Variants in SLC25A23 observed in about 807,000 individuals in gnomAD.
The protein encoded by SLC25A23 is mitochondrial adenyl nucleotide antiporter SLC25A23.
A neutral mutation model predicts 53.9 loss-of-function variants in SLC25A23; 32 were observed. That is an observed-to-expected ratio of 0.59 (90% CI 0.45 to 0.80). The LOEUF (loss-of-function observed/expected upper bound fraction) is 0.80. Among genes scored for constraint, SLC25A23 ranks in the 30% least tolerant of loss-of-function variants. The pLI is 0.00. For missense variants in SLC25A23, 575 were observed against 651.4 expected, an observed-to-expected ratio of 0.88 and a Z score of 1.28; for synonymous variants, 275 against 264.5, an observed-to-expected ratio of 1.04 and a Z score of -0.38.
At chr19:6,448,281 C>T (rs2092535680) in intron 8 of SLC25A23, among the ~76,000 whole-genome samples, 1 of 152,162 alleles carries the variant, frequency 6.6e-6, no homozygotes. Context: ...ATTAGTAATG[C>T]CTAGCCCAGG....
chr19:6,454,658 C>T lies in SLC25A23; in HGVS notation c.543G>A (p.Leu181=). Residue 181 remains leucine (L), a synonymous_variant, in exon 5 of 10, where the codon CTG becomes CTA. Transcript: ENST00000301454. The surrounding 1 kb of genome is among the most constrained non-coding windows in gnomAD (Gnocchi z 4.3). ...CCAGCTGTTTCCACCACATGCCCGT[C>T]AGCTTCTCTTGCTTTGAGAACTCGT... ...VPDEFSKQEK[L]TGMWWKQLVA... The T allele has an allele frequency of 1.2e-6, 2 of 1,614,132 alleles. No homozygotes were observed. Among genetic ancestry groups the T allele is most frequent in the Non-Finnish European group, 1.7e-6 (2 of 1,180,032 alleles).
chr19:6,439,587 G>A (rs1172197144), downstream of SLC25A23, among the ~76,000 whole-genome samples: 2 of 151,272 alleles, frequency 1.3e-5, no homozygotes, highest in African/African-American at 4.9e-5. Context: ...CCAGCATTTT[G>A]GGAGGCTGAG....
Position 6,458,400 on chromosome 19 carries a change from C to T in SLC25A23, c.157-76G>A, listed in dbSNP as rs920918792. 2.0e-6 allele frequency: 3 copies of T among 1,499,876 alleles called. No homozygotes were observed. The African/African-American group carries it at 4.2e-5, about 21-fold the overall frequency. The allele number at this position is 1,499,876 out of a possible 1,614,324, so 92.9% of individuals were successfully genotyped here. A position where few individuals can be genotyped will look rare whatever the true frequency, so the allele number is the denominator to read the frequency against. The stretch of plus-strand genomic sequence containing the variant: ...TGGAGGGGACGCATGTCACCTTATG[C>T]CTTAGGAACCCAGAGCCCCCAGCGC... On this transcript the variant is annotated intron_variant, in intron 1 of 9. Transcript: ENST00000301454.
rs140804879 is a variant in SLC25A23, at chr19:6,448,449, G to A, written c.1071+3863C>T. ...GAAGTTCTAAAGACGGCCGGGTGTGGTGGCTCATGCCTGTAATCCCAGCAT... is the reference window on the plus strand; with the variant it reads ...GAAGTTCTAAAGACGGCCGGGTGTGATGGCTCATGCCTGTAATCCCAGCAT... On this transcript the variant is annotated intron_variant, in intron 8 of 9. Transcript: ENST00000301454. 4.1e-3 allele frequency among the ~76,000 whole-genome samples: 622 copies of A among 151,990 alleles called. 6 individuals carry two copies. Among genetic ancestry groups the A allele is most frequent in the African/African-American group, 0.014 (597 of 41,492 alleles).
downstream of SLC25A23, chr19:6,438,685 C>T (rs1202626164): frequency 4.7e-6 from 1 of 214,776 alleles, no homozygotes; most frequent in Admixed American, 5.2e-5. Context: ...CTGGTCTCTA[C>T]TAAAAATACA....
intron 3 of SLC25A23, among the ~76,000 whole-genome samples, chr19:6,456,980 A>G (rs1373538549): frequency 6.6e-6 from 1 of 151,518 alleles, no homozygotes; most frequent in Non-Finnish European, 1.5e-5. Flanking sequence ...AGCCAGCTGT[A>G]TTACCCTCAT....
At chr19:6,456,056 A>C in intron 4 of SLC25A23, 1 of 1,330,890 alleles carries the variant, frequency 7.5e-7, no homozygotes, top group Non-Finnish European at 9.8e-7. Flanking sequence ...TCAGCCGTAG[A>C]ATCTTTTATC....
In SLC25A23 at chr19:6,459,127, T is replaced by C. The variant is rs2145117568; in HGVS notation, c.156+346A>G. On this transcript the variant is annotated intron_variant, in intron 1 of 9. Transcript: ENST00000301454. This position sits in a 1 kb window ranked among gnomAD's most constrained non-coding sequence, Gnocchi z 4.6. ...CCCAGAGGATGGAGGGTGTGTCTCC[T>C]GGAGGTGAGAGCAGGGCACGTCATG... Among the ~76,000 whole-genome samples the C allele has an allele frequency of 6.6e-6, 1 of 152,102 alleles. No homozygotes were observed. Among genetic ancestry groups the C allele is most frequent in the East Asian group, 1.9e-4 (1 of 5,168 alleles).
intron 9 of SLC25A23, among the ~76,000 whole-genome samples, chr19:6,442,934 CTTT>C (rs1024821991): frequency 3.5e-5 from 4 of 113,140 alleles, no homozygotes; most frequent in South Asian, 3.1e-4. Context: ...ATGCCCAGCC[CTTT>C]TTTTTTTTTT....
intron 8 of SLC25A23, among the ~76,000 whole-genome samples, chr19:6,445,675 G>A (rs1457879500): frequency 2.0e-5 from 3 of 152,082 alleles, no homozygotes; most frequent in Non-Finnish European, 4.4e-5. Context: ...GAACTGTAAG[G>A]ATATACATTC....
rs923323050 is a variant in SLC25A23, at chr19:6,444,246, A to G, written c.1127T>C (p.Ile376Thr). Residue 376 changes from isoleucine (I) to threonine (T), a missense_variant, in exon 9 of 10, where the codon ATC (isoleucine) becomes ACC (threonine). By Grantham distance (89) the Ile-to-Thr change is moderately conservative. Coordinates refer to ENST00000301454, the MANE Select transcript of SLC25A23 (RefSeq NM_024103.3). ...QYSHDSADPGILVLLACGTIS... is the reference protein window; with the variant it reads ...QYSHDSADPGTLVLLACGTIS... ...GGTACCGCAGGCCAGGAGCACGAGG[A>G]TGCCTGGGTCTGCCGAGTCGTGGCT... is the stretch of plus-strand genomic sequence containing the variant. The G allele has an allele frequency of 5.9e-6, 9 of 1,537,638 alleles. No homozygotes were observed. Among genetic ancestry groups the G allele is most frequent in the Non-Finnish European group, 7.9e-6 (9 of 1,133,570 alleles).
Position 6,454,180 on chromosome 19 carries a change from G to T in SLC25A23, c.796-92C>A. ...CTCCTGGCTTCCAAAGAACTGGCTT[G>T]CTGCAGGCATTCATGCAGAGGAGCA... On this transcript the variant is annotated intron_variant, in intron 6 of 9. Coordinates refer to ENST00000301454, the MANE Select transcript of SLC25A23 (RefSeq NM_024103.3). The surrounding 1 kb of genome is among the most constrained non-coding windows in gnomAD (Gnocchi z 4.3). The T allele has an allele frequency of 6.6e-7, 1 of 1,514,284 alleles. No individual in the cohort carries two copies. The highest frequency in any genetic ancestry group is 9.0e-7 in the Non-Finnish European group (1 of 1,114,898). The allele number at this position is 1,514,284 out of a possible 1,614,324, so 93.8% of individuals were successfully genotyped here. A position where few individuals can be genotyped will look rare whatever the true frequency, so the allele number is the denominator to read the frequency against.
rs767419223 is a variant in SLC25A23 at position 6,458,248 on chromosome 19, C to A, written c.233G>T (p.Arg78Leu). ...LEEFSRYLQE[R>L]EQRLLLMFHS... ...AAACATGAGCAGCAGACGCTGTTCC[C>A]GCTCCTGCAGATAGCGGGAAAATTC... The change falls in exon 2 of 10, where the codon CGG (arginine) becomes CTG (leucine). Residue 78 changes from arginine to leucine, a missense_variant. By Grantham distance (102) the Arg-to-Leu change is moderately radical. Transcript: ENST00000301454. The A allele has an allele frequency of 1.2e-6, 2 of 1,613,628 alleles. No individual in the cohort carries two copies.
At position 6,441,714 on chromosome 19, in the gene SLC25A23, G is replaced by T. The variant is rs2092423180; in HGVS notation, c.*261C>A. On this transcript the variant is annotated 3_prime_UTR_variant, in exon 10 of 10. Coordinates refer to ENST00000301454, the MANE Select transcript of SLC25A23 (RefSeq NM_024103.3). Reference sequence around the variant, plus strand: ...GAGTTGCTGAAGTAAGGGATCCACAGTTATGGTTACAGGGGGATCTGGGAT... The same window carrying T: ...GAGTTGCTGAAGTAAGGGATCCACATTTATGGTTACAGGGGGATCTGGGAT... 1.2e-5 allele frequency: 6 copies of T among 521,434 alleles called. No individual in the cohort carries two copies. The South Asian group carries it at 1.2e-4, about 11-fold the overall frequency. 32.3% of individuals were successfully genotyped at this position (521,434 alleles called of 1,614,324 possible).
chr19:6,441,706 G>A lies in SLC25A23; in HGVS notation c.*269C>T, dbSNP rs188290935. The stretch of plus-strand genomic sequence containing the variant: ...GCAGACTTGAGTTGCTGAAGTAAGG[G>A]ATCCACAGTTATGGTTACAGGGGGA... On this transcript the variant is annotated 3_prime_UTR_variant, in exon 10 of 10. Transcript: ENST00000301454. 7,633 of 501,216 alleles carry A rather than the reference G, an allele frequency of 0.015. 108 individuals are homozygous for A. Among genetic ancestry groups the A allele is most frequent in the South Asian group, 0.035 (1,625 of 47,040 alleles). The allele number at this position is 501,216 out of a possible 1,614,324, so 31.0% of individuals were successfully genotyped here.
chr19:6,442,974 T>G (rs1281383994), intron 9 of SLC25A23, among the ~76,000 whole-genome samples: 2 of 143,538 alleles, frequency 1.4e-5, no homozygotes, highest in Non-Finnish European at 3.0e-5. Context: ...TTTTCACTCC[T>G]GTTGCCCAGG....
chr19:6,446,923 G>A (rs1244216907), intron 8 of SLC25A23, among the ~76,000 whole-genome samples: 7 of 151,620 alleles, frequency 4.6e-5, no homozygotes, highest in African/African-American at 1.5e-4. Flanking sequence ...AGACACACAC[G>A]GAGAAAGACA....
intron 8 of SLC25A23, among the ~76,000 whole-genome samples, chr19:6,451,397 T>A (rs28645424): frequency 0.17 from 25,564 of 149,724 alleles, 5,317 homozygotes; most frequent in African/African-American, 0.52. Context: ...CTCAAAAAAA[T>A]AAATAAATAA....
Position 6,454,061 on chromosome 19 carries a change from C to T in SLC25A23, c.823G>A (p.Glu275Lys), listed in dbSNP as rs760242110. 1.9e-6 allele frequency: 3 copies of T among 1,613,502 alleles called. No homozygotes were observed. The highest frequency in any genetic ancestry group is 2.7e-5 in the African/African-American group (2 of 75,056). Reference protein sequence around the residue: ...QIKRAILGQQETLHVQERFVA... With the variant: ...QIKRAILGQQKTLHVQERFVA... ...AAGCGCTCCTGCACATGCAGTGTCTCCTGCTGCCCCAGGATGGCCCTCTTG... is the reference window on the plus strand; with the variant it reads ...AAGCGCTCCTGCACATGCAGTGTCTTCTGCTGCCCCAGGATGGCCCTCTTG... Residue 275 changes from glutamate (E) to lysine (K), a missense_variant, in exon 7 of 10, where the codon GAG (glutamate) becomes AAG (lysine). Physicochemically the swap from Glu to Lys is moderately conservative, Grantham distance 56 (BLOSUM62 1). Transcript: ENST00000301454. The surrounding 1 kb of genome is among the most constrained non-coding windows in gnomAD (Gnocchi z 4.3).
Sources: gnomAD v4.1 joint callset for allele counts (sites outside exome capture counted in the v4.1 genomes callset) on GRCh38, gnomAD v4.1.1 for gene constraint, Gnocchi (gnomAD v3.1) non-coding constraint, MANE v1.5 for transcripts, NCBI Gene and HGNC (gene_info 2026-07-23, HGNC 2026-07-21) for gene names.